MCTP2: variants seen among roughly 807,000 people sequenced by gnomAD.
MCTP2 encodes multiple C2 and transmembrane domain containing 2, also known as multiple C2 and transmembrane domain-containing protein 2.
MCTP2 carries 132 observed loss-of-function variants against 111.6 expected under a neutral mutation model. The observed-to-expected ratio is 1.18, with a 90% CI of 1.03 to 1.37. The LOEUF is 1.37. MCTP2 is among the 40% of genes most tolerant of loss of function. The pLI is 0.00. For missense variants in MCTP2, 1,183 were observed against 1,067.9 expected (o/e 1.11, Z -1.50); for synonymous variants, 395 against 387.7 (o/e 1.02, Z -0.22).
chr15:94,427,867 A>T (rs1193325709), intron 17 of MCTP2, among the ~76,000 whole-genome samples: 1 of 151,986 alleles, frequency 6.6e-6, no homozygotes, highest in Non-Finnish European at 1.5e-5. Context: ...TTTTTAAAGG[A>T]ATATTGAGAA....
chr15:94,243,679 A>G (rs1357052528), intron 1 of MCTP2, among the ~76,000 whole-genome samples: 3 of 148,744 alleles, frequency 2.0e-5, no homozygotes, highest in Non-Finnish European at 3.0e-5. Context: ...ATACACATAT[A>G]TGTATACACA....
chr15:94,443,410 T>C (rs2083903227), intron 19 of MCTP2, among the ~76,000 whole-genome samples: 1 of 152,242 alleles, frequency 6.6e-6, no homozygotes, highest in African/African-American at 2.4e-5. Context: ...ATCTGTCCTT[T>C]TCCTTCTCCT....
chr15:94,239,008 G>GGA (rs1271559702), intron 1 of MCTP2, among the ~76,000 whole-genome samples: 3 of 99,744 alleles, frequency 3.0e-5, no homozygotes, highest in Non-Finnish European at 6.3e-5. Context: ...AGTTGACCGT[G>GGA]AAAAAAAAAA....
intron 1 of MCTP2, among the ~76,000 whole-genome samples, chr15:94,248,330 A>G (rs755505710): frequency 2.6e-5 from 4 of 152,326 alleles, no homozygotes; most frequent in Middle Eastern, 3.4e-3. Context: ...CACAGGCATT[A>G]CCCTTCCACC....
At chr15:94,267,869 C>CTTTCTTTTTTTTTTTTTTTTTTTT (rs1555443740) in intron 1 of MCTP2, among the ~76,000 whole-genome samples, 4 of 77,454 alleles carry the variant, frequency 5.2e-5, no homozygotes, top group African/African-American at 2.3e-4. Context: ...CCTTTTCTTT[C>CTTTCTTTTTTTTTTTTTTTTTTTT]TTTTTTTTTT....
Position 94,481,254 on chromosome 15 carries a change from T to G in MCTP2, c.*2220T>G, listed in dbSNP as rs1166778439. 2 of 152,212 alleles carry G rather than the reference T, an allele frequency of 1.3e-5. No homozygotes were observed. The highest frequency in any genetic ancestry group is 6.5e-5 in the Admixed American group (1 of 15,278). The allele number at this position is 152,212 out of a possible 1,614,324, so 9.4% of individuals were successfully genotyped here. ...ATCTACACCTCAGCAAGTCAGAAAC[T>G]AAACATCATCTGTCTCTCCCTGTCT... On this transcript the variant is annotated 3_prime_UTR_variant, in exon 23 of 23. Transcript: ENST00000357742.
At chr15:94,274,414 G>A (rs1437946419) in intron 1 of MCTP2, among the ~76,000 whole-genome samples, 1 of 151,778 alleles carries the variant, frequency 6.6e-6, no homozygotes. Flanking sequence ...AAAGGAAATA[G>A]TCAAAAACCA....
intron 17 of MCTP2, among the ~76,000 whole-genome samples, chr15:94,437,206 A>G (rs1388822194): frequency 2.0e-5 from 3 of 151,046 alleles, no homozygotes; most frequent in African/African-American, 7.3e-5. Flanking sequence ...GGAACGTAAC[A>G]TATAGAATGG....
At chr15:94,414,983 G>C (rs2082309684) in intron 17 of MCTP2, among the ~76,000 whole-genome samples, 1 of 152,060 alleles carries the variant, frequency 6.6e-6, no homozygotes, top group South Asian at 2.1e-4. Context: ...CTTTTTGCTT[G>C]ACTGCAGTCC....
chr15:94,462,797 T>A (rs2085297070), intron 20 of MCTP2, among the ~76,000 whole-genome samples: 1 of 152,224 alleles, frequency 6.6e-6, no homozygotes, highest in Non-Finnish European at 1.5e-5. Context: ...AGGATGGGAA[T>A]AACAATAATG....
At chr15:94,253,776 A>G (rs372342272) in intron 1 of MCTP2, among the ~76,000 whole-genome samples, 3 of 151,680 alleles carry the variant, frequency 2.0e-5, no homozygotes, top group South Asian at 2.1e-4. Context: ...ACATCGTTGC[A>G]TGTGACAGAC....
intron 4 of MCTP2, among the ~76,000 whole-genome samples, chr15:94,328,066 T>C (rs1301661693): frequency 6.6e-6 from 1 of 152,106 alleles, no homozygotes; most frequent in Non-Finnish European, 1.5e-5. Context: ...ATGTAGCATG[T>C]CTTCTATTTG....
chr15:94,329,036 C>G (rs1428165853), intron 4 of MCTP2, among the ~76,000 whole-genome samples: 1 of 152,128 alleles, frequency 6.6e-6, no homozygotes. Flanking sequence ...GCTCCAGGCA[C>G]AAGGGTCCCA....
chr15:94,243,296 T>C (rs2071219796), intron 1 of MCTP2, among the ~76,000 whole-genome samples: 2 of 148,750 alleles, frequency 1.3e-5, no homozygotes, highest in Admixed American at 1.3e-4. Flanking sequence ...CGTATATGCA[T>C]ATATACATAC....
Position 94,470,358 on chromosome 15 carries a change from C to CGGGTGGG in MCTP2, c.2386_2387insGGGTGGG (p.Leu796ArgfsTer34). ...CACATTTAACTGGACGGTCCCCTTC[C>CGGGTGGG]TTTCATCTCTGGCCTGTTTGATTCT... On this transcript the variant is annotated frameshift_variant, in exon 21 of 23. Transcript: ENST00000357742. LOFTEE classifies it high-confidence loss of function. 2.4e-6 allele frequency: 3 copies of CGGGTGGG among 1,263,716 alleles called. No homozygotes were observed. Among genetic ancestry groups the CGGGTGGG allele is most frequent in the Non-Finnish European group, 3.5e-6 (3 of 861,022 alleles). The allele number at this position is 1,263,716 out of a possible 1,614,324, so 78.3% of individuals were successfully genotyped here.
intron 20 of MCTP2, among the ~76,000 whole-genome samples, chr15:94,464,428 C>G (rs189752184): frequency 8.0e-4 from 27 of 33,822 alleles, no homozygotes; most frequent in African/African-American, 3.9e-3. Flanking sequence ...TGTTGCATTA[C>G]CTACTCTTCT....
intron 14 of MCTP2, among the ~76,000 whole-genome samples, chr15:94,389,195 T>C (rs900258883): frequency 6.6e-6 from 1 of 151,384 alleles, no homozygotes; most frequent in African/African-American, 2.4e-5. Context: ...TGATAGTGTG[T>C]GGCAGGTGAA....
intron 1 of MCTP2, among the ~76,000 whole-genome samples, chr15:94,262,620 G>A (rs928663346): frequency 4.6e-5 from 7 of 151,704 alleles, no homozygotes; most frequent in African/African-American, 1.7e-4. Flanking sequence ...TATATAGGGA[G>A]TTGGGCATAT....
intron 7 of MCTP2, chr15:94,343,693 C>G (rs1055300872): frequency 1.3e-5 from 2 of 152,150 alleles, no homozygotes; most frequent in Non-Finnish European, 2.9e-5. Flanking sequence ...GGTCTGAATC[C>G]TAGATCCACC....
Sources: allele counts gnomAD v4.1 joint callset (sites outside exome capture counted in the v4.1 genomes callset), GRCh38; gene constraint gnomAD v4.1.1; transcripts MANE v1.5; gene names NCBI Gene and HGNC (gene_info 2026-07-23, HGNC 2026-07-21).